NFKBIL1: variants seen among roughly 807,000 people sequenced by gnomAD.
NFKBIL1 encodes the protein NFKB inhibitor like 1.
A neutral mutation model predicts 45.4 loss-of-function variants in NFKBIL1; 30 were observed. The observed-to-expected ratio is 0.66, with a 90% CI of 0.49 to 0.90. NFKBIL1 has a LOEUF of 0.90. Among genes scored for constraint, NFKBIL1 ranks in the 40% least tolerant of loss-of-function variants. The pLI, the probability that NFKBIL1 is intolerant of heterozygous loss-of-function variation, is 0.00. For synonymous variants in NFKBIL1, 179 were observed against 197.3 expected (o/e 0.91, Z 0.78); for missense variants, 434 against 513.4 (o/e 0.85, Z 1.49).
intron 2 of NFKBIL1, among the ~76,000 whole-genome samples, chr6:31,550,490 A>G (rs920641848): frequency 2.6e-4 from 39 of 150,860 alleles, no homozygotes; most frequent in African/African-American, 9.0e-4. Context: ...TGTTGTTTTT[A>G]CTTAAAACAG....
intron 2 of NFKBIL1, among the ~76,000 whole-genome samples, chr6:31,556,282 C>T (rs1252313869): frequency 6.6e-6 from 1 of 152,196 alleles, no homozygotes; most frequent in Non-Finnish European, 1.5e-5. Context: ...CCTTCGCCAG[C>T]CACACCTGGG....
intron 2 of NFKBIL1, among the ~76,000 whole-genome samples, chr6:31,553,276 TGATCCACCCACCTCAGC>T (rs1769541039): frequency 6.6e-6 from 1 of 152,002 alleles, no homozygotes; most frequent in Non-Finnish European, 1.5e-5. Flanking sequence ...TGACCTGAGG[TGATCCACCCACCTCAGC>T]TTCCCAAAGT....
At chr6:31,550,566 G>A (rs1193317777) in intron 2 of NFKBIL1, among the ~76,000 whole-genome samples, 6 of 152,118 alleles carry the variant, frequency 3.9e-5, no homozygotes, top group African/African-American at 7.2e-5. Context: ...GACCCTGGAA[G>A]GCAAAAGAGC....
chr6:31,548,102 A>G, intron 1 of NFKBIL1, 61 bp from the exon 2 acceptor site: 1 of 1,606,456 alleles, frequency 6.2e-7, no homozygotes, highest in Non-Finnish European at 8.5e-7. Context: ...GATGTCAGAG[A>G]TGGAGGGAGA....
At chr6:31,554,407 T>C (rs961885504) in intron 2 of NFKBIL1, among the ~76,000 whole-genome samples, 2 of 150,292 alleles carry the variant, frequency 1.3e-5, no homozygotes, top group Non-Finnish European at 3.0e-5. Flanking sequence ...GGTGAGACCT[T>C]GTCTCAAAAA....
chr6:31,558,256 G>A lies in NFKBIL1; in HGVS notation c.791G>A (p.Arg264Lys), dbSNP rs1688290760. The A allele has an allele frequency of 2.5e-6, 4 of 1,591,960 alleles. No individual in the cohort carries two copies. The highest frequency in any genetic ancestry group is 2.6e-6 in the Non-Finnish European group (3 of 1,169,332). Residue 264 changes from arginine (R) to lysine (K), a missense_variant, in exon 4 of 4, where the codon AGG (arginine) becomes AAG (lysine). Physicochemically the swap from Arg to Lys is conservative, Grantham distance 26. Coordinates refer to ENST00000376148, the MANE Select transcript of NFKBIL1 (RefSeq NM_005007.4). This position sits in a 1 kb window ranked among gnomAD's most constrained non-coding sequence, Gnocchi z 7.2. Reference sequence around the variant, plus strand: ...GAGCTGCGTGAGAGCCGAGCCAGGAGGGCGCAGGAGGCTCTAGGGGACCGA... The same window carrying A: ...GAGCTGCGTGAGAGCCGAGCCAGGAAGGCGCAGGAGGCTCTAGGGGACCGA... ...EEELRESRAR[R>K]AQEALGDREP...
chr6:31,558,092 T>C lies in NFKBIL1; in HGVS notation c.627T>C (p.His209=). ...GGTCAGATCGCCTGGCCCGGGAACA[T>C]GCCCAGAAGTGCCAGCAGCAGCAGC... is the stretch of plus-strand genomic sequence containing the variant. ...SAWSDRLARE[H]AQKCQQQQRE... is the part of the protein sequence containing the mutation. Residue 209 remains histidine, a synonymous_variant, in exon 4 of 4, where the codon CAT becomes CAC. Transcript: ENST00000376148. The surrounding 1 kb of genome is among the most constrained non-coding windows in gnomAD (Gnocchi z 7.2). The C allele has an allele frequency of 2.7e-6, 4 of 1,487,828 alleles. No individual in the cohort carries two copies. Among genetic ancestry groups the C allele is most frequent in the Non-Finnish European group, 3.6e-6 (4 of 1,100,858 alleles). 92.2% of individuals were successfully genotyped at this position (1,487,828 alleles called of 1,614,324 possible). A position where few individuals can be genotyped will look rare whatever the true frequency, so the allele number is the denominator to read the frequency against.
At chr6:31,553,530 A>G (rs1769554129) in intron 2 of NFKBIL1, among the ~76,000 whole-genome samples, 1 of 152,166 alleles carries the variant, frequency 6.6e-6, no homozygotes, top group African/African-American at 2.4e-5. Flanking sequence ...ATCACGGTAA[A>G]CTACCTTTAT....
rs1769843037 is a variant in NFKBIL1 at position 31,557,933 on chromosome 6, GC to G, written c.557-84del. ...TGAATGCGTCACACTAGGCTCCTCT[GC>G]CCCCTCCTCTGTGCTTCCCTGCTTC... On this transcript the variant is annotated intron_variant, in intron 3 of 3. Transcript: ENST00000376148. This position sits in a 1 kb window ranked among gnomAD's most constrained non-coding sequence, Gnocchi z 5.4. The G allele has an allele frequency of 1.5e-5, 23 of 1,496,494 alleles. No individual in the cohort carries two copies. Among genetic ancestry groups the G allele is most frequent in the Admixed American group, 2.0e-5 (1 of 48,872 alleles). 92.7% of individuals were successfully genotyped at this position (1,496,494 alleles called of 1,614,324 possible).
At chr6:31,550,238 A>G (rs7738380) in intron 2 of NFKBIL1, among the ~76,000 whole-genome samples, 2,182 of 151,940 alleles carry the variant, frequency 0.014, 19 homozygotes, top group Middle Eastern at 0.027. Context: ...AGCTCTTTAT[A>G]GGTAGAGCCC....
chr6:31,551,254 G>C (rs1583000742), intron 2 of NFKBIL1, among the ~76,000 whole-genome samples: 1 of 152,114 alleles, frequency 6.6e-6, no homozygotes, highest in South Asian at 2.1e-4. Context: ...TGCATCTCCT[G>C]AGTTCAAACA....
chr6:31,547,986 A>T (rs2239708), intron 1 of NFKBIL1, among the ~76,000 whole-genome samples, 177 bp from the exon 2 acceptor site: 6,556 of 152,056 alleles, frequency 0.043, 253 homozygotes, highest in South Asian at 0.16. Flanking sequence ...CTCAAAAAAA[A>T]TTTTTTTTCA....
chr6:31,550,808 G>T (rs112950150), intron 2 of NFKBIL1, among the ~76,000 whole-genome samples: 4 of 152,152 alleles, frequency 2.6e-5, no homozygotes. Context: ...TCCTGCCTCA[G>T]CCTCCCAAGT....
At position 31,557,510 on chromosome 6, in the gene NFKBIL1, G is replaced by A. The variant is rs1032671832; in HGVS notation, c.335-118G>A. On this transcript the variant is annotated intron_variant, in intron 2 of 3. Transcript: ENST00000376148. This position sits in a 1 kb window ranked among gnomAD's most constrained non-coding sequence, Gnocchi z 5.4. ...TAATACCCAGGAGGCATCCATGTGA[G>A]CCACCCTTCCATTGCTTTAAGACCA... 3 of 692,598 alleles carry A rather than the reference G, an allele frequency of 4.3e-6. No individual in the cohort carries two copies. In the African/African-American group the frequency reaches 5.4e-5, roughly 13 times the overall value. The allele number at this position is 692,598 out of a possible 1,614,324, so 42.9% of individuals were successfully genotyped here.
At position 31,548,257 on chromosome 6, in the gene NFKBIL1, C is replaced by A. The variant is rs200680805; in HGVS notation, c.152C>A (p.Ala51Asp). 5.4e-5 allele frequency: 87 copies of A among 1,612,942 alleles called. No individual in the cohort carries two copies. Among genetic ancestry groups the A allele is most frequent in the Non-Finnish European group, 6.9e-5 (81 of 1,180,044 alleles). ...GCAGGACGGCTGGTCCGGGCCCAGG[C>A]CCTCCTCCAGCGACACCCAGGCCTC... ...LSAGRLVRAQ[A>D]LLQRHPGLDV... The change falls in exon 2 of 4, where the codon GCC becomes GAC. Residue 51 changes from alanine to aspartate, a missense_variant. Ala to Asp is a moderately radical substitution (Grantham distance 126, BLOSUM62 -2). This residue lies in a region of NFKBIL1 where 231 missense variants were observed against 264.1 expected (regional missense o/e 0.87). Coordinates refer to ENST00000376148, the MANE Select transcript of NFKBIL1 (RefSeq NM_005007.4).
chr6:31,557,232 C>CGGGAAAG lies in NFKBIL1; in HGVS notation c.335-395_335-394insGGAAAGG, dbSNP rs1562455268. ...ACATCATTCTCCTGCCTCAGCCTGC[C>CGGGAAAG]GAGTAGCTGGGACTGCAGGCGCCCG... is the stretch of plus-strand genomic sequence containing the variant. On this transcript the variant is annotated intron_variant, in intron 2 of 3. Coordinates refer to ENST00000376148, the MANE Select transcript of NFKBIL1 (RefSeq NM_005007.4). This position sits in a 1 kb window ranked among gnomAD's most constrained non-coding sequence, Gnocchi z 5.4. Among the ~76,000 whole-genome samples, 596 of 151,944 alleles carry CGGGAAAG rather than the reference C, an allele frequency of 3.9e-3. 4 individuals carry two copies. Among genetic ancestry groups the CGGGAAAG allele is most frequent in the African/African-American group, 0.013 (529 of 41,430 alleles).
At chr6:31,549,741 C>T (rs1266902760) in intron 2 of NFKBIL1, among the ~76,000 whole-genome samples, 1 of 152,114 alleles carries the variant, frequency 6.6e-6, no homozygotes, top group Non-Finnish European at 1.5e-5. Flanking sequence ...ATACATTTCC[C>T]TGCAGAAACA....
At chr6:31,551,198 T>C (rs1326578125) in intron 2 of NFKBIL1, among the ~76,000 whole-genome samples, 2 of 152,016 alleles carry the variant, frequency 1.3e-5, no homozygotes, top group African/African-American at 4.8e-5. Context: ...AGCTAATTGT[T>C]TGTATTTTTG....
upstream of NFKBIL1, chr6:31,547,477 C>T (rs1769110865): frequency 7.3e-6 from 3 of 412,830 alleles, no homozygotes; most frequent in South Asian, 7.7e-5. Context: ...TCCCTAGTTT[C>T]CCCTGGGAGA....
Sources: gnomAD v4.1 joint callset for allele counts (sites outside exome capture counted in the v4.1 genomes callset) on GRCh38, gnomAD v4.1.1 for gene constraint, gnomAD v4.1.1 regional missense constraint, Gnocchi (gnomAD v3.1) non-coding constraint, MANE v1.5 for transcripts, NCBI Gene and HGNC (gene_info 2026-07-23, HGNC 2026-07-21) for gene names.